The following ZFYVE9 variants were observed in gnomAD, a reference collection of about 807,000 sequenced individuals.
ZFYVE9 encodes zinc finger FYVE domain-containing protein 9.
In ZFYVE9, 43 loss-of-function variants were observed where a neutral mutation model predicts 126.7. The observed-to-expected ratio is 0.34, with a 90% CI of 0.27 to 0.44. ZFYVE9 has a LOEUF of 0.44. ZFYVE9 is among the 20% of genes least tolerant of loss of function. The probability of loss-of-function intolerance (pLI) is 1.00; values close to 1 mark genes in which losing one functional copy is unlikely to be tolerated. For synonymous variants in ZFYVE9, 521 were observed against 597.4 expected, an observed-to-expected ratio of 0.87 and a Z score of 1.87; for missense variants, 1,476 against 1,697.0, an observed-to-expected ratio of 0.87 and a Z score of 2.29.
At chr1:52,321,996 C>T (rs1294963584) in intron 13 of ZFYVE9, among the ~76,000 whole-genome samples, 1 of 152,188 alleles carries the variant, frequency 6.6e-6, no homozygotes, top group East Asian at 1.9e-4. Context: ...AATCTCTCTG[C>T]TGTTTTGTAG....
chr1:52,191,097 C>A (rs7534894), intron 1 of ZFYVE9, among the ~76,000 whole-genome samples: 5,408 of 152,074 alleles, frequency 0.036, 235 homozygotes, highest in African/African-American at 0.11. Flanking sequence ...TGCCACCATG[C>A]CTGGCTAATT....
intron 1 of ZFYVE9, among the ~76,000 whole-genome samples, chr1:52,192,312 A>G (rs1644823226): frequency 6.6e-6 from 1 of 152,260 alleles, no homozygotes; most frequent in South Asian, 2.1e-4. Context: ...ATTACCCATA[A>G]GAAGTGTGTA....
In ZFYVE9 at chr1:52,198,120, G is replaced by GTTTTTTTTTTTTTTTTTTT. The variant is rs373096573; in HGVS notation, c.-142-18246_-142-18245insTTTTTTTTTTTTTTTTTTT. ...AAATAATATTGTAGTGTTTTTTTTT[G>GTTTTTTTTTTTTTTTTTTT]TTTGTTTTTTTTTTTTTTTGAGATG... On this transcript the variant is annotated intron_variant, in intron 1 of 18. Coordinates refer to ENST00000287727, the MANE Select transcript of ZFYVE9 (RefSeq NM_004799.4). Among the ~76,000 whole-genome samples the GTTTTTTTTTTTTTTTTTTT allele has an allele frequency of 3.6e-5, 4 of 111,102 alleles. 1 individual carries two copies. The highest frequency in any genetic ancestry group is 3.5e-5 in the African/African-American group (1 of 28,230). The allele number at this position is 111,102 out of a possible 152,430, so 72.9% of individuals were successfully genotyped here. A position where few individuals can be genotyped will look rare whatever the true frequency, so the allele number is the denominator to read the frequency against.
At chr1:52,232,142 G>T (rs1048891445) in intron 2 of ZFYVE9, among the ~76,000 whole-genome samples, 2 of 151,972 alleles carry the variant, frequency 1.3e-5, no homozygotes, top group Non-Finnish European at 2.9e-5. Context: ...TCCTTACTCA[G>T]ACTTTTTGGG....
At chr1:52,278,964 C>G (rs939074510) in intron 9 of ZFYVE9, among the ~76,000 whole-genome samples, 2 of 151,910 alleles carry the variant, frequency 1.3e-5, no homozygotes, top group Non-Finnish European at 1.5e-5. Context: ...TGGTCTTGAT[C>G]TCCTGACCTG....
intron 13 of ZFYVE9, among the ~76,000 whole-genome samples, chr1:52,315,408 A>G (rs1449838787): frequency 1.3e-5 from 2 of 152,200 alleles, no homozygotes; most frequent in African/African-American, 2.4e-5. Context: ...AGCTTGGGCA[A>G]TGGAATGAGA....
chr1:52,204,134 A>G (rs12062397), intron 1 of ZFYVE9, among the ~76,000 whole-genome samples: 4,347 of 150,798 alleles, frequency 0.029, 205 homozygotes, highest in African/African-American at 0.098. Flanking sequence ...ATAGCTGGAC[A>G]TGATATATTG....
intron 1 of ZFYVE9, among the ~76,000 whole-genome samples, chr1:52,174,022 TA>T (rs2124528701): frequency 6.6e-6 from 1 of 151,984 alleles, no homozygotes; most frequent in South Asian, 2.1e-4. Context: ...GCTCTGATTT[TA>T]GTTATTTCTT....
At chr1:52,174,452 G>A (rs1572073887) in intron 1 of ZFYVE9, among the ~76,000 whole-genome samples, 1 of 152,152 alleles carries the variant, frequency 6.6e-6, no homozygotes, top group Admixed American at 6.6e-5. Flanking sequence ...AATAGGTGTG[G>A]TGTGGTGCTG....
intron 13 of ZFYVE9, among the ~76,000 whole-genome samples, chr1:52,321,946 A>AT (rs1416514187): frequency 6.6e-6 from 1 of 152,188 alleles, no homozygotes; most frequent in Non-Finnish European, 1.5e-5. Flanking sequence ...CTTAAATACT[A>AT]TTTCTAAGCT....
At chr1:52,301,584 A>C (rs567251964) in intron 12 of ZFYVE9, among the ~76,000 whole-genome samples, 4 of 152,136 alleles carry the variant, frequency 2.6e-5, no homozygotes, top group African/African-American at 9.7e-5. Context: ...GATTACATGC[A>C]TGAGCCACTG....
In ZFYVE9 at chr1:52,284,953, G is replaced by T. The variant is rs114556911; in HGVS notation, c.3025+3137G>T. Among the ~76,000 whole-genome samples the T allele has an allele frequency of 3.9e-3, 591 of 152,222 alleles. 10 individuals carry two copies. The South Asian group carries it at 0.043, about 11-fold the overall frequency. ...AACATTTCAAAAGCATAAGTGAGAC[G>T]AAAGAGTTTTTCCTTGAATAGGAAT... On this transcript the variant is annotated intron_variant, in intron 10 of 18. Transcript: ENST00000287727.
At position 52,235,662 on chromosome 1, in the gene ZFYVE9, A is replaced by G. The variant is rs189774668; in HGVS notation, c.71-1826A>G. On this transcript the variant is annotated intron_variant, in intron 3 of 18. Coordinates refer to ENST00000287727, the MANE Select transcript of ZFYVE9 (RefSeq NM_004799.4). ...TTTACACTAATTCTTTTCTCAACCC[A>G]AACTGATTTACTTATTGCTTCCTTA... Among the ~76,000 whole-genome samples the G allele has an allele frequency of 1.3e-3, 205 of 152,212 alleles. 3 individuals carry two copies. Among genetic ancestry groups the G allele is most frequent in the Non-Finnish European group, 6.0e-4 (41 of 67,948 alleles).
chr1:52,228,702 GA>G (rs765464550), intron 2 of ZFYVE9, among the ~76,000 whole-genome samples: 1 of 152,148 alleles, frequency 6.6e-6, no homozygotes, highest in Non-Finnish European at 1.5e-5. Context: ...TCACATCTAA[GA>G]AAATGATAAT....
chr1:52,344,737 A>T, intron 17 of ZFYVE9, 31 bp from the exon 18 acceptor site: 1 of 1,608,936 alleles, frequency 6.2e-7, no homozygotes, highest in Non-Finnish European at 8.5e-7. Flanking sequence ...TCTAGGCACA[A>T]GTTTAAAAGT....
chr1:52,200,701 G>C lies in ZFYVE9; in HGVS notation c.-142-15668G>C, dbSNP rs546599378. On this transcript the variant is annotated intron_variant, in intron 1 of 18. Transcript: ENST00000287727. Reference sequence around the variant, plus strand: ...TGAAAGGTATAGGGGTCTGTGTCTAGATTTATCTTTTTTTATATGTTGGAT... The same window carrying C: ...TGAAAGGTATAGGGGTCTGTGTCTACATTTATCTTTTTTTATATGTTGGAT... 3.9e-5 allele frequency among the ~76,000 whole-genome samples: 6 copies of C among 152,260 alleles called. No individual in the cohort carries two copies. In the South Asian group the frequency reaches 1.0e-3, roughly 26 times the overall value.
chr1:52,310,813 A>G (rs1221693463), intron 13 of ZFYVE9, among the ~76,000 whole-genome samples: 1 of 152,232 alleles, frequency 6.6e-6, no homozygotes, highest in Admixed American at 6.5e-5. Flanking sequence ...ATGGAACGGT[A>G]GAACTAAAAT....
intron 1 of ZFYVE9, among the ~76,000 whole-genome samples, chr1:52,207,680 C>T (rs1027759673): frequency 9.9e-5 from 15 of 152,102 alleles, no homozygotes; most frequent in Admixed American, 9.2e-4. Context: ...GTTACTTTTT[C>T]GTTCCTAGTT....
chr1:52,181,032 A>G (rs1289653540), intron 1 of ZFYVE9, among the ~76,000 whole-genome samples: 1 of 149,470 alleles, frequency 6.7e-6, no homozygotes, highest in Non-Finnish European at 1.5e-5. Flanking sequence ...TCTGTTAAAT[A>G]TTTTGGAACT....
Sources: allele counts gnomAD v4.1 joint callset (sites outside exome capture counted in the v4.1 genomes callset), GRCh38; gene constraint gnomAD v4.1.1; transcripts MANE v1.5; gene names NCBI Gene and HGNC (gene_info 2026-07-23, HGNC 2026-07-21).